KIF1B: variants seen among roughly 807,000 people sequenced by gnomAD.
KIF1B encodes kinesin family member 1B.
Under a neutral mutation model 241.9 loss-of-function variants are expected in KIF1B, and 76 were observed. The ratio of observed to expected loss-of-function variants is 0.31; its 90% CI spans 0.26 to 0.38. The LOEUF is 0.38. Ranked by LOEUF, KIF1B falls within the 10% of genes least tolerant of loss-of-function variation. The pLI, the probability that KIF1B is intolerant of heterozygous loss-of-function variation, is 1.00. For missense variants in KIF1B, 1,622 were observed against 2,271.4 expected, an observed-to-expected ratio of 0.71 and a Z score of 5.81; for synonymous variants, 750 against 796.7, an observed-to-expected ratio of 0.94 and a Z score of 0.99.
chr1:10,236,683 T>G (rs753033351), intron 2 of KIF1B, among the ~76,000 whole-genome samples: 1 of 152,240 alleles, frequency 6.6e-6, no homozygotes, highest in African/African-American at 2.4e-5. Flanking sequence ...ATTTGCATTT[T>G]CCATGTTCTA....
At chr1:10,375,084 G>T (rs768888176) in intron 47 of KIF1B, 38 bp downstream of exon 47, 15 of 1,601,504 alleles carry the variant, frequency 9.4e-6, no homozygotes, top group Non-Finnish European at 1.2e-5. Context: ...ATTGCCACGT[G>T]TGCCCTTCTC....
Position 10,296,570 on chromosome 1 carries a change from T to C in KIF1B, c.1778-12T>C. 1 of 1,607,264 alleles carries C rather than the reference T, an allele frequency of 6.2e-7. No homozygotes were observed. The highest frequency in any genetic ancestry group is 8.5e-7 in the Non-Finnish European group (1 of 1,173,874). ...TGTAATGATAACATTAGTTTGTGTT[T>C]GTTCCTCTTAGTTATCGTGACCTTA... is the stretch of plus-strand genomic sequence containing the variant. On this transcript the variant is annotated splice_polypyrimidine_tract_variant and intron_variant, in intron 19 of 48. Transcript: ENST00000676179.
At chr1:10,363,134 A>G (rs1638469607) in intron 40 of KIF1B, 149 bp from the exon 41 acceptor site, 4 of 632,284 alleles carry the variant, frequency 6.3e-6, no homozygotes, top group Non-Finnish European at 1.1e-5. Context: ...CTTAGGTTCA[A>G]AATAAGAAAA....
intron 27 of KIF1B, among the ~76,000 whole-genome samples, chr1:10,331,010 C>T (rs1651901781): frequency 6.6e-6 from 1 of 151,618 alleles, no homozygotes; most frequent in Admixed American, 6.6e-5. Flanking sequence ...CCTGTAATCC[C>T]AGCACTTTGG....
At chr1:10,345,805 C>A in intron 34 of KIF1B, 40 bp from the exon 35 acceptor site, 2 of 1,489,084 alleles carry the variant, frequency 1.3e-6, no homozygotes, top group South Asian at 1.1e-5. Flanking sequence ...GCTGAGTAGT[C>A]TTGGACCAGA....
chr1:10,272,523 TC>T (rs1210288499), intron 9 of KIF1B: 2 of 628,486 alleles, frequency 3.2e-6, no homozygotes, highest in Non-Finnish European at 5.8e-6. Flanking sequence ...TAAATATAGA[TC>T]TGTAAAAACT....
intron 31 of KIF1B, among the ~76,000 whole-genome samples, chr1:10,338,816 C>T (rs1395094143): frequency 6.6e-6 from 1 of 152,156 alleles, no homozygotes; most frequent in East Asian, 1.9e-4. Context: ...TCAGGGAACC[C>T]CAGGAATGCT....
At chr1:10,219,179 C>T (rs753442738) in intron 1 of KIF1B, among the ~76,000 whole-genome samples, 28 of 152,184 alleles carry the variant, frequency 1.8e-4, no homozygotes, top group South Asian at 8.3e-4. Context: ...AAGATACGTA[C>T]GGCCGGGCGC....
At chr1:10,246,434 A>G (rs1194753095) in intron 2 of KIF1B, among the ~76,000 whole-genome samples, 1 of 152,198 alleles carries the variant, frequency 6.6e-6, no homozygotes, top group Non-Finnish European at 1.5e-5. Flanking sequence ...TCCATGCAGT[A>G]GCCAGTCATA....
At chr1:10,250,200 G>C (rs4846206) in intron 2 of KIF1B, among the ~76,000 whole-genome samples, 52,693 of 151,902 alleles carry the variant, frequency 0.35, 9,280 homozygotes, top group Middle Eastern at 0.39. Flanking sequence ...GGTAAAATAC[G>C]TATTTAAGAA....
intron 2 of KIF1B, among the ~76,000 whole-genome samples, chr1:10,250,817 C>T (rs181939901): frequency 1.3e-5 from 2 of 152,134 alleles, no homozygotes; most frequent in African/African-American, 2.4e-5. Flanking sequence ...CAGACCGTGA[C>T]GCTGTCTGGG....
chr1:10,351,972 CAA>C (rs35296006), intron 37 of KIF1B, among the ~76,000 whole-genome samples: 5 of 145,520 alleles, frequency 3.4e-5, no homozygotes, highest in Non-Finnish European at 4.5e-5. Flanking sequence ...GACATTGTTT[CAA>C]AAAAAAAAAC....
intron 37 of KIF1B, among the ~76,000 whole-genome samples, chr1:10,349,418 G>C (rs913734175): frequency 4.7e-5 from 7 of 149,864 alleles, no homozygotes; most frequent in African/African-American, 1.5e-4. Flanking sequence ...CTGGACAACA[G>C]AGTGGGACTC....
rs1346823115 is a variant in KIF1B at position 10,379,015 on chromosome 1, A to G, written c.*2428A>G. ...GGACACAATATGCCCTTCCGGTTCT[A>G]TTCAAACCAGCAGGATCTGTCGGTG... On this transcript the variant is annotated 3_prime_UTR_variant, in exon 49 of 49. Coordinates refer to ENST00000676179, the MANE Select transcript of KIF1B (RefSeq NM_001365951.3). 1 of 231,288 alleles carries G rather than the reference A, an allele frequency of 4.3e-6. No individual in the cohort carries two copies. Among genetic ancestry groups the G allele is most frequent in the African/African-American group, 2.2e-5 (1 of 45,224 alleles). 14.3% of individuals were successfully genotyped at this position (231,288 alleles called of 1,614,324 possible). A position where few individuals can be genotyped will look rare whatever the true frequency, so the allele number is the denominator to read the frequency against.
At chr1:10,293,728 T>C (rs1650123907) in intron 17 of KIF1B, among the ~76,000 whole-genome samples, 1 of 152,174 alleles carries the variant, frequency 6.6e-6, no homozygotes, top group Admixed American at 6.5e-5. Flanking sequence ...GAAAATATTA[T>C]GCATTTAACA....
chr1:10,381,452 A>C lies in KIF1B; in HGVS notation c.*4865A>C. 1 of 208,868 alleles carries C rather than the reference A, an allele frequency of 4.8e-6. No individual in the cohort carries two copies. The highest frequency in any genetic ancestry group is 9.8e-6 in the Non-Finnish European group (1 of 102,364). 12.9% of individuals were successfully genotyped at this position (208,868 alleles called of 1,614,324 possible). A position where few individuals can be genotyped will look rare whatever the true frequency, so the allele number is the denominator to read the frequency against. Reference sequence around the variant, plus strand: ...GAGCTTGAGTATACAGACTGTAAATATAGTTCTTGTATTTGTACTAATTCT... The same window carrying C: ...GAGCTTGAGTATACAGACTGTAAATCTAGTTCTTGTATTTGTACTAATTCT... On this transcript the variant is annotated 3_prime_UTR_variant, in exon 49 of 49. Coordinates refer to ENST00000676179, the MANE Select transcript of KIF1B (RefSeq NM_001365951.3).
chr1:10,366,332 T>C lies in KIF1B; in HGVS notation c.4752+684T>C, dbSNP rs78072795. On this transcript the variant is annotated intron_variant, in intron 43 of 48. Coordinates refer to ENST00000676179, the MANE Select transcript of KIF1B (RefSeq NM_001365951.3). The stretch of plus-strand genomic sequence containing the variant: ...TAATAGAGATGTGTGTTTCAAATGC[T>C]ATGGGAGTCAGAGGAGAAGTGTCTA... Among the ~76,000 whole-genome samples, 854 of 152,304 alleles carry C rather than the reference T, an allele frequency of 5.6e-3. 10 individuals carry two copies. Among genetic ancestry groups the C allele is most frequent in the African/African-American group, 0.019 (794 of 41,564 alleles).
chr1:10,224,968 A>T (rs1313529977), intron 1 of KIF1B, among the ~76,000 whole-genome samples: 1 of 152,194 alleles, frequency 6.6e-6, no homozygotes, highest in Admixed American at 6.5e-5. Context: ...TTAGATTCTC[A>T]TAAGGAGTGT....
chr1:10,290,019 A>G (rs953507700), intron 15 of KIF1B, among the ~76,000 whole-genome samples: 2 of 152,128 alleles, frequency 1.3e-5, no homozygotes, highest in Non-Finnish European at 2.9e-5. Flanking sequence ...CTTGATATGT[A>G]ATGGGGTTGT....
Sources: allele counts gnomAD v4.1 joint callset (sites outside exome capture counted in the v4.1 genomes callset), GRCh38; gene constraint gnomAD v4.1.1; transcripts MANE v1.5; gene names NCBI Gene and HGNC (gene_info 2026-07-23, HGNC 2026-07-21).